TMEM8B: variants seen among roughly 807,000 people sequenced by gnomAD.
TMEM8B encodes nasopharyngeal carcinoma expressed 6.
TMEM8B carries 29 observed loss-of-function variants against 49.3 expected under a neutral mutation model. The observed-to-expected ratio is 0.59, with a 90% CI of 0.44 to 0.80. The LOEUF (loss-of-function observed/expected upper bound fraction) is 0.80, where lower values mean the gene tolerates loss of function less well. Among genes scored for constraint, TMEM8B ranks in the 30% least tolerant of loss-of-function variants. TMEM8B has a pLI of 0.00. For synonymous variants in TMEM8B, 264 were observed against 272.8 expected, an observed-to-expected ratio of 0.97 and a Z score of 0.32; for missense variants, 575 against 658.5, an observed-to-expected ratio of 0.87 and a Z score of 1.39.
chr9:35,846,277 C>G lies in TMEM8B; in HGVS notation c.1749C>G (p.Leu583=). 6.2e-7 allele frequency: 1 copy of G among 1,614,242 alleles called. No individual in the cohort carries two copies. The highest frequency in any genetic ancestry group is 8.5e-7 in the Non-Finnish European group (1 of 1,180,042). The change falls in exon 8 of 13, where the codon CTC becomes CTG. Residue 583 remains leucine (L), a synonymous_variant. Transcript: ENST00000643932. The part of the protein sequence containing the change: ...TCSKESLAGF[L]LSVSATTRVA... ...CTTCAGAGTCCCTGGCCGGCTTCCTCCTCTCTGTCAGTGCCACCACCAGGG... is the reference window on the plus strand; with the variant it reads ...CTTCAGAGTCCCTGGCCGGCTTCCTGCTCTCTGTCAGTGCCACCACCAGGG...
chr9:35,829,960 G>T lies in TMEM8B; in HGVS notation c.508+5G>T. On this transcript the variant is annotated splice_donor_5th_base_variant and intron_variant, in intron 1 of 12. Coordinates refer to ENST00000643932, the MANE Select transcript of TMEM8B (RefSeq NM_001042590.4). ...CTGTCCTTGGCCCAGGGGCTGGTGA[G>T]TGCAGAAGCAGGGAAGATTGAGGCA... 1 of 415,864 alleles carries T rather than the reference G, an allele frequency of 2.4e-6. No individual in the cohort carries two copies. 25.8% of individuals were successfully genotyped at this position (415,864 alleles called of 1,614,324 possible). A position where few individuals can be genotyped will look rare whatever the true frequency, so the allele number is the denominator to read the frequency against.
chr9:35,835,324 G>A, intron 3 of TMEM8B, 106 bp downstream of exon 3: 1 of 403,984 alleles, frequency 2.5e-6, no homozygotes, highest in Non-Finnish European at 4.4e-6. Flanking sequence ...AGGGTGGGCA[G>A]CAGCACAAGG....
chr9:35,850,949 C>G (rs1400977978), intron 10 of TMEM8B, among the ~76,000 whole-genome samples: 3 of 151,994 alleles, frequency 2.0e-5, no homozygotes, highest in Non-Finnish European at 4.4e-5. Context: ...TATGTCTGGT[C>G]TTGGAGGCAA....
In TMEM8B at chr9:35,853,807, A is replaced by T; in HGVS notation, c.2742A>T (p.Gly914=). 1 of 1,561,022 alleles carries T rather than the reference A, an allele frequency of 6.4e-7. No homozygotes were observed. The highest frequency in any genetic ancestry group is 8.7e-7 in the Non-Finnish European group (1 of 1,155,142). Reference sequence around the variant, plus strand: ...AGGAGCTGGGCCTCGTGGGCCCAGGAGGGGCCACTGTCAGCAGCATCTGTG... The same window carrying T: ...AGGAGCTGGGCCTCGTGGGCCCAGGTGGGGCCACTGTCAGCAGCATCTGTG... The part of the protein sequence containing the change: ...EQEELGLVGP[G]GATVSSICAS The change falls in exon 13 of 13, where the codon GGA becomes GGT. Residue 914 remains glycine, a synonymous_variant. Coordinates refer to ENST00000643932, the MANE Select transcript of TMEM8B (RefSeq NM_001042590.4). The surrounding 1 kb of genome is among the most constrained non-coding windows in gnomAD (Gnocchi z 4.2).
chr9:35,836,973 A>G (rs904182871), intron 3 of TMEM8B, among the ~76,000 whole-genome samples: 1 of 152,172 alleles, frequency 6.6e-6, no homozygotes, highest in African/African-American at 2.4e-5. Flanking sequence ...GTAGTCTTAT[A>G]TGGTCCTCAA....
At chr9:35,847,110 C>T (rs1208772163) in intron 10 of TMEM8B, 115 bp downstream of exon 10, 13 of 1,614,236 alleles carry the variant, frequency 8.1e-6, no homozygotes, top group Admixed American at 1.7e-5. Context: ...TTCACTGTGT[C>T]TTCTACAGAC....
intron 2 of TMEM8B, among the ~76,000 whole-genome samples, 177 bp from the exon 3 acceptor site, chr9:35,834,834 G>A (rs1235287722): frequency 6.6e-6 from 1 of 152,182 alleles, no homozygotes; most frequent in South Asian, 2.1e-4. Flanking sequence ...CTGTGCAAGT[G>A]CTTGAGCTGA....
chr9:35,834,775 G>C (rs1262101687), intron 2 of TMEM8B, 125 bp downstream of exon 2: 1 of 410,234 alleles, frequency 2.4e-6, no homozygotes. Flanking sequence ...GTGTGACTGA[G>C]TGAGGGCCAT....
In TMEM8B at chr9:35,847,008, G is replaced by A; in HGVS notation, c.2175+13G>A. On this transcript the variant is annotated intron_variant, in intron 10 of 12. Transcript: ENST00000643932. ...GTTCTTCTCCACGGTATGCGGTGGT[G>A]TCTGCATCTTATCACTGGGTGCTTG... is the stretch of plus-strand genomic sequence containing the variant. The A allele has an allele frequency of 2.5e-6, 4 of 1,614,198 alleles. No individual in the cohort carries two copies. Among genetic ancestry groups the A allele is most frequent in the Non-Finnish European group, 3.4e-6 (4 of 1,180,038 alleles).
intron 10 of TMEM8B, among the ~76,000 whole-genome samples, chr9:35,848,815 C>T (rs1156387284): frequency 6.6e-6 from 1 of 151,910 alleles, no homozygotes; most frequent in Non-Finnish European, 1.5e-5. Context: ...GCTGGGACTA[C>T]AGGCGCATGC....
rs1832706230 is a variant in TMEM8B at position 35,864,690 on chromosome 9, C to T, written c.*10850C>T. On this transcript the variant is annotated 3_prime_UTR_variant, in exon 13 of 13. Coordinates refer to ENST00000643932, the MANE Select transcript of TMEM8B (RefSeq NM_001042590.4). ...TTACCATCCTGTCCCTATCCCTGTCCCCCAGCAAATATTTTGGCTTTTAAA... is the reference window on the plus strand; with the variant it reads ...TTACCATCCTGTCCCTATCCCTGTCTCCCAGCAAATATTTTGGCTTTTAAA... 1 of 152,200 alleles carries T rather than the reference C, an allele frequency of 6.6e-6. No individual in the cohort carries two copies. Among genetic ancestry groups the T allele is most frequent in the Non-Finnish European group, 1.5e-5 (1 of 68,052 alleles). 9.4% of individuals were successfully genotyped at this position (152,200 alleles called of 1,614,324 possible).
In TMEM8B at chr9:35,852,865, C is replaced by G. The variant is rs1832275564; in HGVS notation, c.2214C>G (p.Phe738Leu). 1 of 1,614,056 alleles carries G rather than the reference C, an allele frequency of 6.2e-7. No homozygotes were observed. The change falls in exon 11 of 13, where the codon TTC becomes TTG. Residue 738 changes from phenylalanine (F) to leucine (L), a missense_variant. Coordinates refer to ENST00000643932, the MANE Select transcript of TMEM8B (RefSeq NM_001042590.4). ...GTGACCAGCCAGGCATCGTGGTTTT[C>G]TGCATCATGGACTACGATGTGCTGC... is the stretch of plus-strand genomic sequence containing the variant. ...HACDQPGIVVFCIMDYDVLQF... is the reference protein window; with the variant it reads ...HACDQPGIVVLCIMDYDVLQF...
chr9:35,831,621 A>G (rs941581680), intron 1 of TMEM8B, among the ~76,000 whole-genome samples: 2 of 152,184 alleles, frequency 1.3e-5, no homozygotes, highest in Non-Finnish European at 1.5e-5. Flanking sequence ...CCTAGCTTCC[A>G]TCCTCTGCCA....
chr9:35,840,798 G>A lies in TMEM8B; in HGVS notation c.907-336G>A, dbSNP rs536590706. 6.4e-4 allele frequency among the ~76,000 whole-genome samples: 97 copies of A among 152,294 alleles called. 2 individuals are homozygous for A. In the Middle Eastern group the frequency reaches 0.01, roughly 16 times the overall value. The stretch of plus-strand genomic sequence containing the variant: ...GAATGGGCTGGTTGGAGATCACAGT[G>A]CTGCTGGGCTGGCCCAGAATGCTCA... On this transcript the variant is annotated intron_variant, in intron 3 of 12. Coordinates refer to ENST00000643932, the MANE Select transcript of TMEM8B (RefSeq NM_001042590.4).
Position 35,857,048 on chromosome 9 carries a change from G to A in TMEM8B, c.*3208G>A, listed in dbSNP as rs1297304478. The A allele has an allele frequency of 6.6e-6, 1 of 152,254 alleles. No individual in the cohort carries two copies. Among genetic ancestry groups the A allele is most frequent in the Admixed American group, 6.5e-5 (1 of 15,288 alleles). The allele number at this position is 152,254 out of a possible 1,614,324, so 9.4% of individuals were successfully genotyped here. A position where few individuals can be genotyped will look rare whatever the true frequency, so the allele number is the denominator to read the frequency against. ...TTGCCTTGAATACAGGGCTGTGGCT[G>A]GCAGATATTGCTGTACCCTTGCATG... On this transcript the variant is annotated 3_prime_UTR_variant, in exon 13 of 13. Coordinates refer to ENST00000643932, the MANE Select transcript of TMEM8B (RefSeq NM_001042590.4).
intron 1 of TMEM8B, among the ~76,000 whole-genome samples, chr9:35,832,000 T>A (rs1829947935): frequency 6.6e-6 from 1 of 152,178 alleles, no homozygotes. Flanking sequence ...ATTTCAGGAA[T>A]GGAAGTTATC....
At chr9:35,852,709 T>A in intron 10 of TMEM8B, 118 bp from the exon 11 acceptor site, 1 of 1,199,552 alleles carries the variant, frequency 8.3e-7, no homozygotes, top group Non-Finnish European at 1.2e-6. Flanking sequence ...TTCTCATCTG[T>A]GACCTTTCAC....
In TMEM8B at chr9:35,846,944, T is replaced by TCG. The variant is rs1027000008; in HGVS notation, c.2125_2126dup (p.Tyr710AspfsTer47). 5 of 1,614,052 alleles carry TCG rather than the reference T, an allele frequency of 3.1e-6. No individual in the cohort carries two copies. Among genetic ancestry groups the TCG allele is most frequent in the Non-Finnish European group, 4.2e-6 (5 of 1,180,010 alleles). On this transcript the variant is annotated frameshift_variant, in exon 10 of 13. Transcript: ENST00000643932. LOFTEE classifies it high-confidence loss of function. ...CACCTGTGGTCCTGGCCATTCGGAG[T>TCG]CGATATGTGCTGGAAGCTGCAGTCT... is the stretch of plus-strand genomic sequence containing the variant.
rs924438139 is a variant in TMEM8B at position 35,841,920 on chromosome 9, A to G, written c.1309+126A>G. 3 of 409,602 alleles carry G rather than the reference A, an allele frequency of 7.3e-6. No individual in the cohort carries two copies. The highest frequency in any genetic ancestry group is 6.2e-5 in the African/African-American group (3 of 48,642). The allele number at this position is 409,602 out of a possible 1,614,324, so 25.4% of individuals were successfully genotyped here. A position where few individuals can be genotyped will look rare whatever the true frequency, so the allele number is the denominator to read the frequency against. On this transcript the variant is annotated intron_variant, in intron 5 of 12. Transcript: ENST00000643932. This position sits in a 1 kb window ranked among gnomAD's most constrained non-coding sequence, Gnocchi z 5.9. ...TCCCCTCCCCATCCCAAGCTCCTTC[A>G]TGCTCCCTGAAGCCATCACACTTGG... is the stretch of plus-strand genomic sequence containing the variant.
Sources: allele counts gnomAD v4.1 joint callset (sites outside exome capture counted in the v4.1 genomes callset), GRCh38; gene constraint gnomAD v4.1.1; non-coding constraint Gnocchi (gnomAD v3.1); transcripts MANE v1.5; gene names NCBI Gene and HGNC (gene_info 2026-07-23, HGNC 2026-07-21).